The following TCF7L1 variants were observed in gnomAD, a reference collection of about 807,000 sequenced individuals.
TCF7L1 encodes the protein transcription factor 7 like 1.
Under a neutral mutation model 63.7 loss-of-function variants are expected in TCF7L1, and 18 were observed. The observed-to-expected ratio is 0.28, with a 90% CI of 0.20 to 0.42. TCF7L1 has a LOEUF of 0.42. Ranked by LOEUF, TCF7L1 falls within the 10% of genes least tolerant of loss-of-function variation. The probability of loss-of-function intolerance (pLI) is 1.00; values close to 1 mark genes in which losing one functional copy is unlikely to be tolerated. For synonymous variants in TCF7L1, 355 were observed against 340.9 expected (o/e 1.04, Z -0.46); for missense variants, 654 against 779.3 (o/e 0.84, Z 1.91).
chr2:85,278,979 C>A (rs1681350173), intron 3 of TCF7L1, among the ~76,000 whole-genome samples: 1 of 152,230 alleles, frequency 6.6e-6, no homozygotes, highest in Non-Finnish European at 1.5e-5. Context: ...GTGTTACATT[C>A]CGGTGGGCAT....
intron 3 of TCF7L1, among the ~76,000 whole-genome samples, chr2:85,195,868 A>G (rs1274155815): frequency 6.6e-6 from 1 of 152,142 alleles, no homozygotes; most frequent in African/African-American, 2.4e-5. Flanking sequence ...CTTAAAAACC[A>G]TAAAAAGAGT....
intron 3 of TCF7L1, among the ~76,000 whole-genome samples, chr2:85,272,884 G>A (rs1257245163): frequency 6.6e-6 from 1 of 152,206 alleles, no homozygotes; most frequent in African/African-American, 2.4e-5. Context: ...GCAGGAGCGG[G>A]GAGAGGCTTC....
At chr2:85,189,520 A>G (rs1158597706) in intron 3 of TCF7L1, among the ~76,000 whole-genome samples, 1 of 152,168 alleles carries the variant, frequency 6.6e-6, no homozygotes, top group Non-Finnish European at 1.5e-5. Flanking sequence ...AGGCTTCTCC[A>G]TGTAGTGCCA....
chr2:85,174,706 C>G (rs913675437), intron 3 of TCF7L1, among the ~76,000 whole-genome samples: 1 of 152,206 alleles, frequency 6.6e-6, no homozygotes, highest in Non-Finnish European at 1.5e-5. Context: ...TAGCATCCCC[C>G]TGACTCCGCC....
intron 3 of TCF7L1, among the ~76,000 whole-genome samples, chr2:85,223,259 T>C (rs1241343186): frequency 2.0e-5 from 3 of 152,226 alleles, no homozygotes; most frequent in Non-Finnish European, 4.4e-5. Context: ...TTTTTCTAAA[T>C]TTTTTGTAGA....
At chr2:85,256,473 G>C (rs1378610762) in intron 3 of TCF7L1, among the ~76,000 whole-genome samples, 5 of 152,228 alleles carry the variant, frequency 3.3e-5, no homozygotes, top group Non-Finnish European at 7.3e-5. Context: ...CTGCTCAGCT[G>C]CCTAGAGGCC....
At chr2:85,276,384 C>T (rs546510821) in intron 3 of TCF7L1, among the ~76,000 whole-genome samples, 2 of 152,336 alleles carry the variant, frequency 1.3e-5, no homozygotes, top group East Asian at 3.9e-4. Context: ...GCAGGCGTTG[C>T]CCATGAGTGA....
Position 85,310,189 on chromosome 2 carries a change from G to A in TCF7L1, c.*727G>A, listed in dbSNP as rs9248. On this transcript the variant is annotated 3_prime_UTR_variant, in exon 12 of 12. Coordinates refer to ENST00000282111, the MANE Select transcript of TCF7L1 (RefSeq NM_031283.3). ...CAATCCCAGAGTGGCAGGCGGGACC[G>A]GCCCCATGGTCTGGCTCCTGTCACC... is the stretch of plus-strand genomic sequence containing the variant. 0.56 allele frequency: 84,841 copies of A among 152,400 alleles called. 24,151 individuals are homozygous for A. Among genetic ancestry groups the A allele is most frequent in the East Asian group, 0.87 (4,527 of 5,176 alleles). 9.4% of individuals were successfully genotyped at this position (152,400 alleles called of 1,614,324 possible).
rs1680326852 is a variant in TCF7L1, at chr2:85,241,443, T to TG, written c.442-42052_442-42051insG. Among the ~76,000 whole-genome samples the TG allele has an allele frequency of 4.8e-5, 6 of 124,130 alleles. No individual in the cohort carries two copies. The South Asian group carries it at 1.1e-3, about 22-fold the overall frequency. The allele number at this position is 124,130 out of a possible 152,430, so 81.4% of individuals were successfully genotyped here. On this transcript the variant is annotated intron_variant, in intron 3 of 11. Transcript: ENST00000282111. ...CTGGATGCACTTTGTTTTTGTTTTTTTTTTTTTTTTTTTTTTTTTTTTGAG... is the reference window on the plus strand; with the variant it reads ...CTGGATGCACTTTGTTTTTGTTTTTTGTTTTTTTTTTTTTTTTTTTTTTGAG...
chr2:85,209,596 T>C (rs1009159678), intron 3 of TCF7L1, among the ~76,000 whole-genome samples: 11 of 152,110 alleles, frequency 7.2e-5, no homozygotes, highest in Non-Finnish European at 2.9e-5. Context: ...AGGGCAGTAA[T>C]TCTCAGAGTG....
intron 3 of TCF7L1, among the ~76,000 whole-genome samples, chr2:85,234,044 G>A (rs1305302476): frequency 6.6e-6 from 1 of 150,962 alleles, no homozygotes; most frequent in Admixed American, 6.6e-5. Context: ...AAGTTTTTGT[G>A]TGAGAATATA....
chr2:85,287,839 A>G (rs952042032), intron 4 of TCF7L1, among the ~76,000 whole-genome samples: 10 of 152,208 alleles, frequency 6.6e-5, no homozygotes, highest in Admixed American at 5.9e-4. Context: ...GGGAGGCTGT[A>G]TAATACACTT....
chr2:85,209,974 T>C (rs1015881169), intron 3 of TCF7L1, among the ~76,000 whole-genome samples: 3 of 152,200 alleles, frequency 2.0e-5, no homozygotes, highest in Non-Finnish European at 4.4e-5. Context: ...GGGTGTCTCT[T>C]GGTAAACTCT....
intron 3 of TCF7L1, among the ~76,000 whole-genome samples, chr2:85,144,774 T>C (rs988170139): frequency 1.3e-5 from 2 of 151,280 alleles, no homozygotes; most frequent in Non-Finnish European, 2.9e-5. Flanking sequence ...TGTATGTATG[T>C]TTAAGATGGT....
chr2:85,193,969 A>T (rs880093), intron 3 of TCF7L1, among the ~76,000 whole-genome samples: 21,158 of 133,784 alleles, frequency 0.16, 1,729 homozygotes, highest in African/African-American at 0.23. Context: ...TTAAAAGTTT[A>T]AAAAAAAAAA....
chr2:85,258,870 G>A (rs182906783), intron 3 of TCF7L1, among the ~76,000 whole-genome samples: 25 of 152,284 alleles, frequency 1.6e-4, no homozygotes, highest in Admixed American at 5.2e-4. Flanking sequence ...AAACAGTGTC[G>A]TAGGTCCTTT....
chr2:85,203,514 G>C (rs1166833035), intron 3 of TCF7L1, among the ~76,000 whole-genome samples: 1 of 152,028 alleles, frequency 6.6e-6, no homozygotes. Context: ...ATCACTTAAG[G>C]CCAGGAGTTC....
At chr2:85,233,918 G>T (rs1039119879) in intron 3 of TCF7L1, 1 of 152,008 alleles carries the variant, frequency 6.6e-6, no homozygotes, top group Non-Finnish European at 1.5e-5. Flanking sequence ...ATTACCGAGC[G>T]GTTTTCCGTT....
intron 3 of TCF7L1, among the ~76,000 whole-genome samples, chr2:85,273,970 C>T (rs1212157153): frequency 6.6e-6 from 1 of 152,174 alleles, no homozygotes; most frequent in Non-Finnish European, 1.5e-5. Flanking sequence ...AGCAGGTGGA[C>T]TCTGCATCCT....
Sources: allele counts gnomAD v4.1 joint callset (sites outside exome capture counted in the v4.1 genomes callset), GRCh38; gene constraint gnomAD v4.1.1; transcripts MANE v1.5; gene names NCBI Gene and HGNC (gene_info 2026-07-23, HGNC 2026-07-21).